RHBDD1: variants seen among roughly 807,000 people sequenced by gnomAD.
RHBDD1 encodes the protein rhomboid domain containing 1.
Under a neutral mutation model 36.3 loss-of-function variants are expected in RHBDD1, and 38 were observed. The observed-to-expected ratio is 1.05, with a 90% CI of 0.81 to 1.37. The LOEUF (loss-of-function observed/expected upper bound fraction) is 1.37, where lower values mean the gene tolerates loss of function less well. RHBDD1 is among the 40% of genes most tolerant of loss of function. The pLI is 0.00. For synonymous variants in RHBDD1, 151 were observed against 136.5 expected, an observed-to-expected ratio of 1.11 and a Z score of -0.74; for missense variants, 393 against 377.6, an observed-to-expected ratio of 1.04 and a Z score of -0.34.
intron 5 of RHBDD1, among the ~76,000 whole-genome samples, chr2:226,870,462 G>C (rs967473290): frequency 6.6e-6 from 1 of 151,356 alleles, no homozygotes; most frequent in South Asian, 2.1e-4. Flanking sequence ...GACTTTTTTC[G>C]TCCTGAATGA....
chr2:226,888,456 C>T (rs1429828739), intron 5 of RHBDD1, among the ~76,000 whole-genome samples: 1 of 151,006 alleles, frequency 6.6e-6, no homozygotes, highest in East Asian at 1.9e-4. Flanking sequence ...TAGTTATAAA[C>T]TTAAAAATCC....
At chr2:226,908,960 T>A (rs1016189761) in intron 7 of RHBDD1, 82 bp downstream of exon 7, 1 of 885,148 alleles carries the variant, frequency 1.1e-6, no homozygotes, top group Non-Finnish European at 1.8e-6. Flanking sequence ...TTTAGGATAC[T>A]ACTAGTTTCT....
At chr2:226,854,971 G>A (rs1428790733) in intron 3 of RHBDD1, among the ~76,000 whole-genome samples, 1 of 152,136 alleles carries the variant, frequency 6.6e-6, no homozygotes, top group African/African-American at 2.4e-5. Flanking sequence ...CTTATTAATG[G>A]CTTATCTGTC....
intron 5 of RHBDD1, among the ~76,000 whole-genome samples, chr2:226,891,414 AATATT>A (rs1946679598): frequency 6.6e-6 from 1 of 152,236 alleles, no homozygotes; most frequent in Non-Finnish European, 1.5e-5. Flanking sequence ...AGTCTTATGT[AATATT>A]AATAGCATAA....
At chr2:226,843,924 G>A (rs951134368) in intron 3 of RHBDD1, among the ~76,000 whole-genome samples, 1 of 152,060 alleles carries the variant, frequency 6.6e-6, no homozygotes, top group Non-Finnish European at 1.5e-5. Flanking sequence ...TTGGTTGGTA[G>A]GCTATTTGTT....
chr2:226,937,705 G>A (rs1950421406), intron 8 of RHBDD1, among the ~76,000 whole-genome samples: 1 of 152,090 alleles, frequency 6.6e-6, no homozygotes, highest in East Asian at 1.9e-4. Flanking sequence ...TAAGTTTTCT[G>A]TTCCTGCGTT....
intron 8 of RHBDD1, among the ~76,000 whole-genome samples, chr2:226,931,742 C>T (rs1950042240): frequency 6.6e-6 from 1 of 151,874 alleles, no homozygotes; most frequent in Non-Finnish European, 1.5e-5. Flanking sequence ...GATTTGATTT[C>T]TTTTGCTGTA....
the RHBDD1 span, among the ~76,000 whole-genome samples, chr2:226,808,826 G>C: frequency 6.6e-6 from 1 of 151,908 alleles, no homozygotes; most frequent in African/African-American, 2.4e-5. Flanking sequence ...CAGATAAAAG[G>C]GCAGGGAACC....
intron 3 of RHBDD1, among the ~76,000 whole-genome samples, chr2:226,853,986 T>TGC (rs10630938): frequency 0.24 from 35,945 of 152,016 alleles, 7,924 homozygotes; most frequent in African/African-American, 0.59. Context: ...TAATTTCTTC[T>TGC]ACAGGATTGT....
intron 5 of RHBDD1, among the ~76,000 whole-genome samples, chr2:226,890,283 TG>T (rs1215836787): frequency 6.6e-6 from 1 of 152,252 alleles, no homozygotes; most frequent in Non-Finnish European, 1.5e-5. Context: ...ACTCACATTT[TG>T]TTTACCTGCA....
intron 3 of RHBDD1, among the ~76,000 whole-genome samples, chr2:226,851,409 A>G (rs1942797573): frequency 1.3e-5 from 2 of 152,080 alleles, no homozygotes. Flanking sequence ...CTGAGCCTAA[A>G]GAAACCAGTT....
At chr2:226,849,530 C>A (rs1166987911) in intron 3 of RHBDD1, among the ~76,000 whole-genome samples, 2 of 152,192 alleles carry the variant, frequency 1.3e-5, no homozygotes, top group African/African-American at 4.8e-5. Flanking sequence ...GCTCCACCTA[C>A]ATCCCCTTGC....
At chr2:226,836,354 C>T (rs1284663361) in intron 1 of RHBDD1, among the ~76,000 whole-genome samples, 1 of 152,192 alleles carries the variant, frequency 6.6e-6, no homozygotes, top group Non-Finnish European at 1.5e-5. Context: ...CCGGACCGCA[C>T]GGGAACGACG....
intron 3 of RHBDD1, among the ~76,000 whole-genome samples, chr2:226,862,353 C>CTT (rs565626444): frequency 9.2e-5 from 12 of 130,560 alleles, no homozygotes; most frequent in African/African-American, 1.4e-4. Flanking sequence ...AGAATCCTGC[C>CTT]TTTTTTTTTT....
At chr2:226,963,449 C>T (rs1209655940) in intron 8 of RHBDD1, among the ~76,000 whole-genome samples, 1 of 152,112 alleles carries the variant, frequency 6.6e-6, no homozygotes, top group Non-Finnish European at 1.5e-5. Context: ...TTAGTAGATA[C>T]ACTGGGCTCT....
At chr2:226,844,664 C>A (rs142484760) in intron 3 of RHBDD1, among the ~76,000 whole-genome samples, 60 of 152,238 alleles carry the variant, frequency 3.9e-4, no homozygotes, top group African/African-American at 1.4e-3. Flanking sequence ...GTTGAAGGAG[C>A]GATCATGGGA....
At chr2:226,889,733 T>C (rs952728427) in intron 5 of RHBDD1, among the ~76,000 whole-genome samples, 8 of 152,162 alleles carry the variant, frequency 5.3e-5, no homozygotes, top group African/African-American at 1.9e-4. Context: ...TTTCCAGACA[T>C]ATAGATGCCG....
chr2:226,859,198 A>G (rs1943609786), intron 3 of RHBDD1, among the ~76,000 whole-genome samples: 2 of 152,212 alleles, frequency 1.3e-5, no homozygotes, highest in South Asian at 4.1e-4. Context: ...CTCCACATAC[A>G]TGGATTCTGT....
intron 8 of RHBDD1, among the ~76,000 whole-genome samples, chr2:226,948,212 A>G (rs1174166516): frequency 1.4e-5 from 2 of 147,332 alleles, no homozygotes; most frequent in Non-Finnish European, 3.0e-5. Flanking sequence ...TGTGGCACAT[A>G]TACACCATGG....
Sources: allele counts gnomAD v4.1 joint callset (sites outside exome capture counted in the v4.1 genomes callset), GRCh38; gene constraint gnomAD v4.1.1; transcripts MANE v1.5; gene names NCBI Gene and HGNC (gene_info 2026-07-23, HGNC 2026-07-21).